BCAR3: variants seen among roughly 807,000 people sequenced by gnomAD.
BCAR3 encodes BCAR3 adaptor protein, NSP family member.
BCAR3 carries 37 observed loss-of-function variants against 80.1 expected under a neutral mutation model. That is an observed-to-expected ratio of 0.46 (90% CI 0.36 to 0.61). BCAR3 has a LOEUF of 0.61. Ranked by LOEUF, BCAR3 falls within the 20% of genes least tolerant of loss-of-function variation. BCAR3 has a pLI of 0.00. For synonymous variants in BCAR3, 389 were observed against 418.9 expected, an observed-to-expected ratio of 0.93 and a Z score of 0.87; for missense variants, 978 against 1,068.2, an observed-to-expected ratio of 0.92 and a Z score of 1.18.
upstream of BCAR3, among the ~76,000 whole-genome samples, chr1:93,685,900 GT>G (rs988750305): frequency 7.9e-5 from 12 of 152,090 alleles, no homozygotes; most frequent in Admixed American, 2.0e-4. Context: ...ATATTTTCAT[GT>G]TTAGTAGACT....
intron 7 of BCAR3, among the ~76,000 whole-genome samples, chr1:93,579,958 G>A (rs548480150): frequency 8.5e-5 from 13 of 152,218 alleles, no homozygotes; most frequent in Non-Finnish European, 1.9e-4. Flanking sequence ...CGCAAATTGC[G>A]TGACTACCTG....
intron 3 of BCAR3, among the ~76,000 whole-genome samples, chr1:93,616,210 G>A (rs983923671): frequency 6.6e-6 from 1 of 152,030 alleles, no homozygotes; most frequent in Non-Finnish European, 1.5e-5. Flanking sequence ...TTGTTCCACC[G>A]GGATTAAATA....
intron 3 of BCAR3, among the ~76,000 whole-genome samples, chr1:93,641,770 C>T (rs760849464): frequency 7.2e-5 from 11 of 152,156 alleles, no homozygotes; most frequent in Admixed American, 3.3e-4. Context: ...AGGGAGCCTT[C>T]GGTCCTCCAC....
intron 2 of BCAR3, among the ~76,000 whole-genome samples, chr1:93,811,398 A>G (rs962557830): frequency 6.6e-6 from 1 of 152,168 alleles, no homozygotes; most frequent in African/African-American, 2.4e-5. Context: ...TGTGTATACT[A>G]TTAGTATTGT....
intron 9 of BCAR3, among the ~76,000 whole-genome samples, chr1:93,569,726 C>G (rs1673129457): frequency 6.7e-6 from 1 of 148,788 alleles, no homozygotes; most frequent in Non-Finnish European, 1.5e-5. Flanking sequence ...CTGATGTGCT[C>G]CAGAAGGGAA....
chr1:93,671,635 T>A (rs1314396800), intron 2 of BCAR3, among the ~76,000 whole-genome samples: 2 of 152,232 alleles, frequency 1.3e-5, no homozygotes, highest in Non-Finnish European at 2.9e-5. Context: ...CTGGAAGAGT[T>A]GAATGAGAAG....
chr1:93,833,788 T>A (rs910245342), intron 2 of BCAR3, among the ~76,000 whole-genome samples: 1 of 152,202 alleles, frequency 6.6e-6, no homozygotes, highest in Non-Finnish European at 1.5e-5. Flanking sequence ...ACACATGCTT[T>A]ACAAACAATT....
chr1:93,695,514 AC>A (rs1184769618), intron 3 of BCAR3, among the ~76,000 whole-genome samples: 2 of 151,146 alleles, frequency 1.3e-5, no homozygotes, highest in Non-Finnish European at 3.0e-5. Flanking sequence ...CTCTATCATC[AC>A]CCTCTTTCTC....
intron 3 of BCAR3, among the ~76,000 whole-genome samples, chr1:93,696,525 C>A (rs536724590): frequency 1.3e-5 from 2 of 152,056 alleles, no homozygotes; most frequent in Non-Finnish European, 2.9e-5. Flanking sequence ...CTTCCTCTCT[C>A]GCCTGGACTC....
At position 93,592,402 on chromosome 1, in the gene BCAR3, CAG is replaced by C. The variant is rs775568473; in HGVS notation, c.358-11_358-10del. 5 of 1,587,766 alleles carry C rather than the reference CAG, an allele frequency of 3.1e-6. No individual in the cohort carries two copies. The Admixed American group carries it at 6.9e-5, about 22-fold the overall frequency. ...TGCCTCTCCTTGGAGAACTGCAACACAGAGTCAACCATGAGCTCACCCTGCCC... is the reference window on the plus strand; with the variant it reads ...TGCCTCTCCTTGGAGAACTGCAACACAGTCAACCATGAGCTCACCCTGCCC... On this transcript the variant is annotated splice_polypyrimidine_tract_variant and intron_variant, in intron 3 of 11. Transcript: ENST00000260502. The surrounding 1 kb of genome is among the most constrained non-coding windows in gnomAD (Gnocchi z 4.8).
At chr1:93,613,823 A>C in intron 3 of BCAR3, 1 of 1,549,558 alleles carries the variant, frequency 6.5e-7, no homozygotes, top group Non-Finnish European at 8.7e-7. Context: ...TGACAGATGT[A>C]CTTTATTTCC....
intron 2 of BCAR3, among the ~76,000 whole-genome samples, chr1:93,832,889 T>C (rs1390343462): frequency 6.6e-6 from 1 of 152,116 alleles, no homozygotes; most frequent in East Asian, 1.9e-4. Flanking sequence ...CTGCCACCTT[T>C]TCCCCCAGTT....
At position 93,724,670 on chromosome 1, in the gene BCAR3, G is replaced by A. The variant is rs375262666; in HGVS notation, c.-62-18528C>T. 2.0e-4 allele frequency among the ~76,000 whole-genome samples: 31 copies of A among 152,242 alleles called. No homozygotes were observed. In the South Asian group the frequency reaches 6.2e-3, roughly 31 times the overall value. Reference sequence around the variant, plus strand: ...GTCCAAGGACTCTCATCTGGGAAAGGTCCCATCTAGTGGGCCTTGGAGAGG... The same window carrying A: ...GTCCAAGGACTCTCATCTGGGAAAGATCCCATCTAGTGGGCCTTGGAGAGG... On this transcript the variant is annotated intron_variant, in intron 2 of 13. Transcript: ENST00000370244.
intron 9 of BCAR3, among the ~76,000 whole-genome samples, chr1:93,570,923 G>A (rs979894686): frequency 4.6e-5 from 7 of 152,166 alleles, no homozygotes; most frequent in African/African-American, 1.7e-4. Flanking sequence ...GACCCCAGAG[G>A]CTGGGCGTGG....
At chr1:93,588,855 A>G (rs889638240) in intron 5 of BCAR3, 122 bp downstream of exon 5, 1 of 1,112,026 alleles carries the variant, frequency 9.0e-7, no homozygotes, top group African/African-American at 1.6e-5. Context: ...CTATTCTGCG[A>G]ACAGTCGGCA....
At chr1:93,612,451 T>C (rs907824156) in intron 3 of BCAR3, among the ~76,000 whole-genome samples, 1 of 152,122 alleles carries the variant, frequency 6.6e-6, no homozygotes, top group Non-Finnish European at 1.5e-5. Flanking sequence ...GGGCCGTAAC[T>C]GCAGACCAAC....
chr1:93,772,369 A>G (rs1046207065), intron 2 of BCAR3, among the ~76,000 whole-genome samples: 2 of 152,172 alleles, frequency 1.3e-5, no homozygotes, highest in Non-Finnish European at 2.9e-5. Context: ...CCTAGCTTCT[A>G]TCAATGCTGC....
chr1:93,770,046 T>C (rs1466102446), intron 2 of BCAR3, among the ~76,000 whole-genome samples: 1 of 152,148 alleles, frequency 6.6e-6, no homozygotes, highest in Non-Finnish European at 1.5e-5. Flanking sequence ...GGGACAGTGA[T>C]GGATTGCACT....
intron 2 of BCAR3, among the ~76,000 whole-genome samples, chr1:93,840,068 A>C (rs1654903714): frequency 6.6e-6 from 1 of 152,190 alleles, no homozygotes. Flanking sequence ...GAGTTTAAAA[A>C]AAATGCTGAT....
Sources: allele counts gnomAD v4.1 joint callset (sites outside exome capture counted in the v4.1 genomes callset), GRCh38; gene constraint gnomAD v4.1.1; non-coding constraint Gnocchi (gnomAD v3.1); transcripts MANE v1.5; gene names NCBI Gene and HGNC (gene_info 2026-07-23, HGNC 2026-07-21).